The following DEF6 variants were observed in gnomAD, a reference collection of about 807,000 sequenced individuals.
DEF6 encodes differentially expressed in FDCP 6 homolog.
Under a neutral mutation model 80.5 loss-of-function variants are expected in DEF6, and 32 were observed. That is an observed-to-expected ratio of 0.40 (90% CI 0.30 to 0.53). The LOEUF (loss-of-function observed/expected upper bound fraction) is 0.53. Among genes scored for constraint, DEF6 ranks in the 20% least tolerant of loss-of-function variants. The pLI, the probability that DEF6 is intolerant of heterozygous loss-of-function variation, is 0.57. For missense variants in DEF6, 575 were observed against 818.7 expected, an observed-to-expected ratio of 0.70 and a Z score of 3.63; for synonymous variants, 300 against 337.9, an observed-to-expected ratio of 0.89 and a Z score of 1.23.
Position 35,318,533 on chromosome 6 carries a change from A to AGCGCCGGGGGCGGG in DEF6, c.1215+65_1215+78dup. 1 of 1,340,364 alleles carries AGCGCCGGGGGCGGG rather than the reference A, an allele frequency of 7.5e-7. No homozygotes were observed. The allele number at this position is 1,340,364 out of a possible 1,614,324, so 83.0% of individuals were successfully genotyped here. A position where few individuals can be genotyped will look rare whatever the true frequency, so the allele number is the denominator to read the frequency against. On this transcript the variant is annotated intron_variant, in intron 7 of 10. Coordinates refer to ENST00000316637, the MANE Select transcript of DEF6 (RefSeq NM_022047.4). The surrounding 1 kb of genome is among the most constrained non-coding windows in gnomAD (Gnocchi z 5.1). ...GGGCTGGGAGGCTGGCCAGGGGCGG[A>AGCGCCGGGGGCGGG]GCGCCGGGGGCGGGGCCTGGGCAGA...
chr6:35,304,309 A>G (rs1338193640), intron 1 of DEF6, among the ~76,000 whole-genome samples: 1 of 152,204 alleles, frequency 6.6e-6, no homozygotes, highest in Non-Finnish European at 1.5e-5. Context: ...CAACAGAGTG[A>G]GACCCAGTCT....
Position 35,312,689 on chromosome 6 carries a change from C to T in DEF6, c.724C>T (p.Pro242Ser), listed in dbSNP as rs2150387502. 1 of 1,613,560 alleles carries T rather than the reference C, an allele frequency of 6.2e-7. No homozygotes were observed. Among genetic ancestry groups the T allele is most frequent in the South Asian group, 1.1e-5 (1 of 91,004 alleles). Reference sequence around the variant, plus strand: ...GGCCGAACGCTGGTTCCAGCTGCAGCCCAGCTGCCTCTGCTACTTTGGGAG... The same window carrying T: ...GGCCGAACGCTGGTTCCAGCTGCAGTCCAGCTGCCTCTGCTACTTTGGGAG... ...NWAERWFQLQ[P>S]SCLCYFGSEE... Residue 242 changes from proline to serine, a missense_variant, in exon 5 of 11, where the codon CCC (proline) becomes TCC (serine). Coordinates refer to ENST00000316637, the MANE Select transcript of DEF6 (RefSeq NM_022047.4). This position sits in a 1 kb window ranked among gnomAD's most constrained non-coding sequence, Gnocchi z 6.6.
chr6:35,317,773 T>C, intron 5 of DEF6, 118 bp from the exon 6 acceptor site: 1 of 767,332 alleles, frequency 1.3e-6, no homozygotes. Context: ...CCTGGCAGAG[T>C]GGGGTCCCCA....
chr6:35,314,772 C>T (rs370079354), intron 5 of DEF6, among the ~76,000 whole-genome samples: 25 of 152,134 alleles, frequency 1.6e-4, no homozygotes, highest in African/African-American at 6.0e-4. Flanking sequence ...TTTAGCTTGA[C>T]ATAATCCCAT....
intron 1 of DEF6, among the ~76,000 whole-genome samples, chr6:35,303,231 G>T (rs1271303531): frequency 6.6e-6 from 1 of 152,188 alleles, no homozygotes; most frequent in African/African-American, 2.4e-5. Flanking sequence ...TGGCAAAAGT[G>T]CAGGTGAGGT....
chr6:35,309,681 C>T lies in DEF6; in HGVS notation c.108C>T (p.His36=). ...VSKSQLKVLS[H]NLYTVLHIPH... ...CTACTCTATCCCAGGTGCTGTCCCA[C>T]AACCTGTACACGGTCCTGCACATCC... Residue 36 remains histidine, a synonymous_variant, in exon 2 of 11, where the codon CAC becomes CAT. Coordinates refer to ENST00000316637, the MANE Select transcript of DEF6 (RefSeq NM_022047.4). The T allele has an allele frequency of 6.2e-7, 1 of 1,613,932 alleles. No homozygotes were observed. Among genetic ancestry groups the T allele is most frequent in the South Asian group, 1.1e-5 (1 of 91,068 alleles).
chr6:35,311,766 G>C (rs1418915459), intron 3 of DEF6, among the ~76,000 whole-genome samples: 1 of 152,028 alleles, frequency 6.6e-6, no homozygotes, highest in Non-Finnish European at 1.5e-5. Context: ...ACTCCCCAAC[G>C]CCTACCCCTA....
intron 1 of DEF6, among the ~76,000 whole-genome samples, chr6:35,303,951 T>G (rs1289454137): frequency 6.6e-6 from 1 of 151,984 alleles, no homozygotes; most frequent in Non-Finnish European, 1.5e-5. Context: ...GGCCAACATG[T>G]TGAAACCCCA....
At chr6:35,310,359 G>T (rs961327043) in intron 2 of DEF6, 100 bp from the exon 3 acceptor site, 1 of 1,304,608 alleles carries the variant, frequency 7.7e-7, no homozygotes, top group African/African-American at 1.4e-5. Flanking sequence ...TTGGCCAGGT[G>T]GGGAGCAGGG....
At chr6:35,313,525 C>T (rs1023946092) in intron 5 of DEF6, among the ~76,000 whole-genome samples, 1 of 152,108 alleles carries the variant, frequency 6.6e-6, no homozygotes, top group African/African-American at 2.4e-5. Context: ...ACTGTAGCCA[C>T]CCTACTGATC....
Position 35,318,029 on chromosome 6 carries a change from G to A in DEF6, c.916+30G>A. On this transcript the variant is annotated intron_variant, in intron 6 of 10. Coordinates refer to ENST00000316637, the MANE Select transcript of DEF6 (RefSeq NM_022047.4). The surrounding 1 kb of genome is among the most constrained non-coding windows in gnomAD (Gnocchi z 5.1). ...GTGCTCGCTAGGTGGCTTGGGTCTG[G>A]GTGGTCCTTAGGCGCCTCATCTGTG... 1 of 1,599,028 alleles carries A rather than the reference G, an allele frequency of 6.3e-7. No homozygotes were observed. The highest frequency in any genetic ancestry group is 1.8e-5 in the Admixed American group (1 of 57,084).
Position 35,312,170 on chromosome 6 carries a change from C to G in DEF6, c.424-132C>G, listed in dbSNP as rs1459273882. Reference sequence around the variant, plus strand: ...TTCCCTGGCTCCATAACATTCGGTCCTCTGGCCCCCTCAACGCTCTGTCCC... The same window carrying G: ...TTCCCTGGCTCCATAACATTCGGTCGTCTGGCCCCCTCAACGCTCTGTCCC... On this transcript the variant is annotated intron_variant, in intron 3 of 10. Coordinates refer to ENST00000316637, the MANE Select transcript of DEF6 (RefSeq NM_022047.4). This position sits in a 1 kb window ranked among gnomAD's most constrained non-coding sequence, Gnocchi z 6.6. 8.2e-6 allele frequency: 6 copies of G among 728,256 alleles called. No individual in the cohort carries two copies. Among genetic ancestry groups the G allele is most frequent in the Non-Finnish European group, 1.3e-5 (6 of 445,822 alleles). The allele number at this position is 728,256 out of a possible 1,614,324, so 45.1% of individuals were successfully genotyped here.
chr6:35,319,296 T>C lies in DEF6; in HGVS notation c.1216-228T>C, dbSNP rs1791558944. Among the ~76,000 whole-genome samples, 1 of 152,092 alleles carries C rather than the reference T, an allele frequency of 6.6e-6. No homozygotes were observed. Among genetic ancestry groups the C allele is most frequent in the South Asian group, 2.1e-4 (1 of 4,830 alleles). On this transcript the variant is annotated intron_variant, in intron 7 of 10. Coordinates refer to ENST00000316637, the MANE Select transcript of DEF6 (RefSeq NM_022047.4). This position sits in a 1 kb window ranked among gnomAD's most constrained non-coding sequence, Gnocchi z 4.5. ...ATATAATTATGATTAAGGTTGGTACTAGGAAGGAAATAACTTGAGCCCGTT... is the reference window on the plus strand; with the variant it reads ...ATATAATTATGATTAAGGTTGGTACCAGGAAGGAAATAACTTGAGCCCGTT...
chr6:35,298,894 A>G (rs1791276840), intron 1 of DEF6, among the ~76,000 whole-genome samples: 1 of 152,138 alleles, frequency 6.6e-6, no homozygotes, highest in African/African-American at 2.4e-5. Context: ...GTGGCTAGGC[A>G]CTAAACTGGT....
At chr6:35,320,838 C>T in intron 9 of DEF6, 46 bp from the exon 10 acceptor site, 4 of 1,535,252 alleles carry the variant, frequency 2.6e-6, no homozygotes, top group Non-Finnish European at 3.6e-6. Context: ...GACTCCATGC[C>T]ATGGATGATG....
intron 1 of DEF6, among the ~76,000 whole-genome samples, chr6:35,303,329 G>A (rs1791342106): frequency 6.6e-6 from 1 of 152,124 alleles, no homozygotes. Flanking sequence ...GTCGGGGAGG[G>A]CATTCATAGG....
chr6:35,298,002 C>A, intron 1 of DEF6, 50 bp downstream of exon 1: 1 of 1,470,096 alleles, frequency 6.8e-7, no homozygotes, highest in Non-Finnish European at 9.3e-7. Context: ...ACCACACCAG[C>A]CCCTGCCGCC....
chr6:35,310,744 C>G, intron 3 of DEF6, 100 bp downstream of exon 3: 2 of 1,224,488 alleles, frequency 1.6e-6, no homozygotes, highest in Admixed American at 1.9e-5. Flanking sequence ...CCCATATCCC[C>G]TTTCTTTCTT....
intron 1 of DEF6, among the ~76,000 whole-genome samples, chr6:35,309,213 G>C (rs1791431842): frequency 6.6e-6 from 1 of 152,186 alleles, no homozygotes; most frequent in South Asian, 2.1e-4. Context: ...GGAAGCACTT[G>C]GGCTTTGGAA....
Sources: gnomAD v4.1 joint callset for allele counts (sites outside exome capture counted in the v4.1 genomes callset) on GRCh38, gnomAD v4.1.1 for gene constraint, Gnocchi (gnomAD v3.1) non-coding constraint, MANE v1.5 for transcripts, NCBI Gene and HGNC (gene_info 2026-07-23, HGNC 2026-07-21) for gene names.